The following SPEF2 variants were observed in gnomAD, a reference collection of about 807,000 sequenced individuals.
The protein encoded by SPEF2 is sperm flagella and cilia-associated protein 2.
Under a neutral mutation model 224.6 loss-of-function variants are expected in SPEF2, and 187 were observed. The ratio of observed to expected loss-of-function variants is 0.83; its 90% CI spans 0.74 to 0.94. The LOEUF is 0.94. Ranked by LOEUF, SPEF2 falls within the 40% of genes least tolerant of loss-of-function variation. SPEF2 has a pLI of 0.00. For synonymous variants in SPEF2, 715 were observed against 707.3 expected, an observed-to-expected ratio of 1.01 and a Z score of -0.17; for missense variants, 2,170 against 2,135.6, an observed-to-expected ratio of 1.02 and a Z score of -0.32.
intron 10 of SPEF2, among the ~76,000 whole-genome samples, chr5:35,673,472 C>T (rs1261051426): frequency 1.3e-5 from 2 of 152,196 alleles, no homozygotes; most frequent in Non-Finnish European, 2.9e-5. Flanking sequence ...AAAATTAGCT[C>T]ATGGCTATGG....
chr5:35,668,344 A>G lies in SPEF2; in HGVS notation c.1355+1085A>G, dbSNP rs753007940. 2.6e-5 allele frequency among the ~76,000 whole-genome samples: 4 copies of G among 152,314 alleles called. No individual in the cohort carries two copies. In the South Asian group the frequency reaches 8.3e-4, roughly 32 times the overall value. The stretch of plus-strand genomic sequence containing the variant: ...ATATAAAATAATAAACTATTAATAC[A>G]TGCCACAATCTGGATGAATCTCCAG... On this transcript the variant is annotated intron_variant, in intron 9 of 36. Transcript: ENST00000356031.
chr5:35,746,002 G>A (rs1748470096), intron 23 of SPEF2, among the ~76,000 whole-genome samples: 1 of 152,202 alleles, frequency 6.6e-6, no homozygotes, highest in African/African-American at 2.4e-5. Context: ...ACAGGACTCT[G>A]TGCAGACAAC....
At chr5:35,769,024 A>G (rs1304362388) in intron 26 of SPEF2, among the ~76,000 whole-genome samples, 1 of 152,168 alleles carries the variant, frequency 6.6e-6, no homozygotes, top group Non-Finnish European at 1.5e-5. Context: ...TCAAGGCATT[A>G]TGTCTAAAGT....
intron 33 of SPEF2, among the ~76,000 whole-genome samples, chr5:35,796,623 A>AC (rs397743238): frequency 6.6e-6 from 1 of 150,860 alleles, no homozygotes; most frequent in Non-Finnish European, 1.5e-5. Context: ...AAAAAAAAAA[A>AC]TCTCAACGCT....
chr5:35,747,252 A>G (rs1748682918), intron 23 of SPEF2, among the ~76,000 whole-genome samples: 1 of 152,234 alleles, frequency 6.6e-6, no homozygotes, highest in East Asian at 1.9e-4. Context: ...AAACAAAAAT[A>G]CAAGTTAAAA....
intron 10 of SPEF2, among the ~76,000 whole-genome samples, chr5:35,680,394 A>T (rs1752620206): frequency 6.6e-6 from 1 of 152,120 alleles, no homozygotes; most frequent in Admixed American, 6.5e-5. Flanking sequence ...GGTTATCCCT[A>T]TCTTGTTTGG....
At chr5:35,755,418 T>A (rs1472283941) in intron 24 of SPEF2, among the ~76,000 whole-genome samples, 1 of 152,154 alleles carries the variant, frequency 6.6e-6, no homozygotes, top group African/African-American at 2.4e-5. Context: ...TTCAGAGCAA[T>A]ACATACCTCC....
chr5:35,698,914 G>A (rs911364705), intron 15 of SPEF2: 1 of 152,102 alleles, frequency 6.6e-6, no homozygotes, highest in Non-Finnish European at 1.5e-5. Context: ...AGGAACTCAA[G>A]GAAATTCTCT....
chr5:35,810,643 T>G (rs959998932), intron 36 of SPEF2, among the ~76,000 whole-genome samples: 5 of 152,178 alleles, frequency 3.3e-5, no homozygotes, highest in African/African-American at 7.2e-5. Context: ...CCCTACCCCC[T>G]GTATTCCAGG....
At chr5:35,808,285 A>G (rs1462520401) in intron 36 of SPEF2, 4 of 511,662 alleles carry the variant, frequency 7.8e-6, no homozygotes, top group Non-Finnish European at 1.0e-5. Flanking sequence ...GTTCTAGGGC[A>G]CATGTGCACA....
intron 23 of SPEF2, among the ~76,000 whole-genome samples, chr5:35,745,014 G>A (rs960881853): frequency 3.9e-5 from 6 of 152,174 alleles, no homozygotes; most frequent in Non-Finnish European, 7.4e-5. Context: ...CTCCTCTCCT[G>A]AACACACCCC....
chr5:35,741,739 G>A (rs1196785426), intron 23 of SPEF2, among the ~76,000 whole-genome samples: 1 of 152,156 alleles, frequency 6.6e-6, no homozygotes, highest in Admixed American at 6.5e-5. Context: ...GTATTCAAAT[G>A]TCCTGGTAAA....
intron 1 of SPEF2, among the ~76,000 whole-genome samples, chr5:35,627,398 G>A (rs1017736837): frequency 2.0e-5 from 3 of 151,754 alleles, no homozygotes; most frequent in Non-Finnish European, 4.4e-5. Flanking sequence ...TCAAAAGATC[G>A]AGACCAACCT....
chr5:35,645,288 G>A (rs1236447214), intron 4 of SPEF2, among the ~76,000 whole-genome samples: 1 of 152,118 alleles, frequency 6.6e-6, no homozygotes, highest in Non-Finnish European at 1.5e-5. Context: ...TATTCTGAAT[G>A]TAGTCAGCTC....
intron 26 of SPEF2, 71 bp downstream of exon 26, chr5:35,763,773 TA>T (rs201960717): frequency 7.3e-7 from 1 of 1,377,060 alleles, no homozygotes; most frequent in Non-Finnish European, 9.6e-7. Flanking sequence ...TAATATGCTA[TA>T]AGTGGAAAAT....
chr5:35,666,131 T>C (rs1358285921), intron 8 of SPEF2, among the ~76,000 whole-genome samples: 1 of 152,176 alleles, frequency 6.6e-6, no homozygotes, highest in African/African-American at 2.4e-5. Flanking sequence ...TTGAATTCTA[T>C]ATAAAATCTA....
intron 2 of SPEF2, among the ~76,000 whole-genome samples, chr5:35,629,237 T>C (rs1744739687): frequency 7.3e-6 from 1 of 136,818 alleles, no homozygotes; most frequent in South Asian, 2.6e-4. Context: ...CACTGCAAGC[T>C]CCGCCTCCCG....
chr5:35,760,591 A>C (rs2149750086), intron 25 of SPEF2, among the ~76,000 whole-genome samples: 1 of 152,270 alleles, frequency 6.6e-6, no homozygotes, highest in East Asian at 1.9e-4. Context: ...CTGCCAGCAA[A>C]AAAATAAACT....
Position 35,800,336 on chromosome 5 carries a change from A to G in SPEF2, c.5010+189A>G, listed in dbSNP as rs533199893. On this transcript the variant is annotated intron_variant, in intron 34 of 36. Coordinates refer to ENST00000356031, the MANE Select transcript of SPEF2 (RefSeq NM_024867.4). ...ATTAAGACCTGGGGACCCAATTGCC[A>G]TCAAAGATTTTTGTGGTAAAATCAA... Among the ~76,000 whole-genome samples the G allele has an allele frequency of 5.3e-5, 8 of 152,318 alleles. No homozygotes were observed. The South Asian group carries it at 1.0e-3, about 20-fold the overall frequency.
Sources: allele counts gnomAD v4.1 joint callset (sites outside exome capture counted in the v4.1 genomes callset), GRCh38; gene constraint gnomAD v4.1.1; transcripts MANE v1.5; gene names NCBI Gene and HGNC (gene_info 2026-07-23, HGNC 2026-07-21).